The following ADAM32 variants were observed in gnomAD, a reference collection of about 807,000 sequenced individuals.
ADAM32 encodes the protein ADAM metallopeptidase domain 32.
Under a neutral mutation model 114.9 loss-of-function variants are expected in ADAM32, and 89 were observed. The ratio of observed to expected loss-of-function variants is 0.77; its 90% CI spans 0.65 to 0.92. The LOEUF (loss-of-function observed/expected upper bound fraction) is 0.92, where lower values mean the gene tolerates loss of function less well. Ranked by LOEUF, ADAM32 falls within the 40% of genes least tolerant of loss-of-function variation. The pLI is 0.00. For missense variants in ADAM32, 870 were observed against 932.8 expected (o/e 0.93, Z 0.88); for synonymous variants, 285 against 307.5 (o/e 0.93, Z 0.77).
chr8:39,281,142 AT>A lies in ADAM32; in HGVS notation c.2287del (p.Ser763GlnfsTer?), dbSNP rs1478778334. The A allele has an allele frequency of 6.0e-6, 8 of 1,342,820 alleles. No homozygotes were observed. Among genetic ancestry groups the A allele is most frequent in the Non-Finnish European group, 7.8e-6 (8 of 1,024,886 alleles). 83.2% of individuals were successfully genotyped at this position (1,342,820 alleles called of 1,614,324 possible). A position where few individuals can be genotyped will look rare whatever the true frequency, so the allele number is the denominator to read the frequency against. On this transcript the variant is annotated frameshift_variant, in exon 23 of 25. Transcript: ENST00000379907. LOFTEE classifies it high-confidence loss of function. Reference sequence around the variant, plus strand: ...GTTTTTAATTTATTTTTAGATCCAAATCAGAAGATAGTGCTGAAGCATATAC... The same window carrying A: ...GTTTTTAATTTATTTTTAGATCCAAACAGAAGATAGTGCTGAAGCATATAC... The part of the protein sequence containing the change: ...SSQADTSKSK[S>X]EDSAEAYTSR...
At chr8:39,157,842 T>C in intron 6 of ADAM32, 1 of 678,928 alleles carries the variant, frequency 1.5e-6, no homozygotes, top group East Asian at 3.2e-5. Context: ...ACTGATCAAT[T>C]TGCCATCCTT....
At chr8:39,133,875 T>TCTTCA (rs1802614562) in intron 2 of ADAM32, among the ~76,000 whole-genome samples, 1 of 152,186 alleles carries the variant, frequency 6.6e-6, no homozygotes, top group Non-Finnish European at 1.5e-5. Context: ...TCAGACTTAC[T>TCTTCA]GAAGGCCCAT....
intron 4 of ADAM32, among the ~76,000 whole-genome samples, chr8:39,149,438 T>A (rs1585403424): frequency 6.6e-6 from 1 of 152,302 alleles, no homozygotes; most frequent in East Asian, 1.9e-4. Context: ...GACTCTTTTT[T>A]AGCATCATAT....
intron 17 of ADAM32, among the ~76,000 whole-genome samples, chr8:39,248,521 C>A (rs1052873651): frequency 6.6e-6 from 1 of 152,102 alleles, no homozygotes; most frequent in Non-Finnish European, 1.5e-5. Context: ...AAATTATTGG[C>A]TTTTGTGCAT....
chr8:39,130,400 A>AT (rs970405071), intron 2 of ADAM32, among the ~76,000 whole-genome samples: 9 of 150,848 alleles, frequency 6.0e-5, no homozygotes, highest in South Asian at 2.1e-4. Flanking sequence ...TTATGGTTTA[A>AT]TTTTTTTTGT....
At chr8:39,205,425 C>A (rs376836300) in intron 11 of ADAM32, among the ~76,000 whole-genome samples, 3 of 152,228 alleles carry the variant, frequency 2.0e-5, no homozygotes, top group Non-Finnish European at 4.4e-5. Flanking sequence ...ACCCTCTGAG[C>A]CAGGCGTGGG....
At chr8:39,200,093 T>C (rs1301192353) in intron 11 of ADAM32, among the ~76,000 whole-genome samples, 2 of 152,232 alleles carry the variant, frequency 1.3e-5, no homozygotes, top group Non-Finnish European at 2.9e-5. Context: ...TGTGTGCATG[T>C]GTCTTTATAG....
At chr8:39,108,699 C>T (rs565667197) in intron 1 of ADAM32, among the ~76,000 whole-genome samples, 1 of 152,094 alleles carries the variant, frequency 6.6e-6, no homozygotes, top group African/African-American at 2.4e-5. Context: ...TGCATGTAAG[C>T]CTCCCTGGTG....
chr8:39,170,367 A>G (rs1197367701), intron 10 of ADAM32, among the ~76,000 whole-genome samples: 3 of 152,124 alleles, frequency 2.0e-5, no homozygotes, highest in Admixed American at 6.6e-5. Flanking sequence ...CAAAACAAAA[A>G]CCAGATTAAG....
intron 11 of ADAM32, among the ~76,000 whole-genome samples, chr8:39,210,772 A>G (rs1240715646): frequency 6.6e-6 from 1 of 152,190 alleles, no homozygotes; most frequent in Admixed American, 6.5e-5. Flanking sequence ...GACTAAGCAC[A>G]TTATCATTTG....
In ADAM32 at chr8:39,254,474, A is replaced by AT; in HGVS notation, c.1964dup (p.Arg656ThrfsTer10). ...AGGCTATAAGCCTCCAAACTGCCAA[A>AT]TACGTTCCAAAGGATTTTCCATATT... On this transcript the variant is annotated frameshift_variant, in exon 18 of 25. Transcript: ENST00000379907. LOFTEE classifies it high-confidence loss of function. The AT allele has an allele frequency of 6.3e-7, 1 of 1,599,710 alleles. No homozygotes were observed. The highest frequency in any genetic ancestry group is 8.5e-7 in the Non-Finnish European group (1 of 1,172,422).
chr8:39,239,561 T>C (rs539987310), intron 16 of ADAM32, among the ~76,000 whole-genome samples: 12 of 152,280 alleles, frequency 7.9e-5, no homozygotes, highest in African/African-American at 2.9e-4. Context: ...ATAAATAGAA[T>C]AGTACCTCAC....
intron 10 of ADAM32, among the ~76,000 whole-genome samples, chr8:39,175,062 A>G (rs1398171815): frequency 6.6e-6 from 1 of 152,218 alleles, no homozygotes; most frequent in East Asian, 1.9e-4. Context: ...GAAGTTGCAT[A>G]TTAGCTTAAG....
In ADAM32 at chr8:39,131,455, C is replaced by A. The variant is rs114122880; in HGVS notation, c.139-5202C>A. Among the ~76,000 whole-genome samples, 1,108 of 152,300 alleles carry A rather than the reference C, an allele frequency of 7.3e-3. 19 individuals are homozygous for A. Among genetic ancestry groups the A allele is most frequent in the African/African-American group, 0.026 (1,067 of 41,572 alleles). On this transcript the variant is annotated intron_variant, in intron 2 of 24. Coordinates refer to ENST00000379907, the MANE Select transcript of ADAM32 (RefSeq NM_145004.7). ...GCAGTGAGCTGAGATTGTGCCACAG[C>A]ACTCCAGTCTGGGTGACAGAATGAG...
At chr8:39,142,346 G>C (rs2129445229) in intron 3 of ADAM32, among the ~76,000 whole-genome samples, 1 of 152,336 alleles carries the variant, frequency 6.6e-6, no homozygotes, top group South Asian at 2.1e-4. Context: ...GGTACCGGCT[G>C]TTCCTTTCCA....
At chr8:39,270,312 G>T (rs1488493434) in intron 19 of ADAM32, among the ~76,000 whole-genome samples, 1 of 152,180 alleles carries the variant, frequency 6.6e-6, no homozygotes, top group African/African-American at 2.4e-5. Flanking sequence ...TCTTCTTGAT[G>T]CATTTTTCTC....
intron 3 of ADAM32, among the ~76,000 whole-genome samples, chr8:39,139,798 A>C (rs1057079110): frequency 3.3e-5 from 5 of 152,112 alleles, no homozygotes; most frequent in African/African-American, 7.2e-5. Flanking sequence ...GATTCTTCCT[A>C]TCTATGAGCA....
intron 12 of ADAM32, among the ~76,000 whole-genome samples, chr8:39,212,540 G>C (rs1226064842): frequency 1.3e-5 from 2 of 152,160 alleles, no homozygotes; most frequent in Non-Finnish European, 2.9e-5. Flanking sequence ...GCCTGGTCTA[G>C]AAAGTCATAT....
chr8:39,259,645 A>G lies in ADAM32; in HGVS notation c.2162+2302A>G, dbSNP rs987348616. ...TCATTTGACTTTCAAATTTCTCCCAAATAAGTCAGTGTTATTTTTGTTATT... is the reference window on the plus strand; with the variant it reads ...TCATTTGACTTTCAAATTTCTCCCAGATAAGTCAGTGTTATTTTTGTTATT... On this transcript the variant is annotated intron_variant, in intron 19 of 24. Transcript: ENST00000379907. Among the ~76,000 whole-genome samples the G allele has an allele frequency of 5.9e-5, 9 of 152,264 alleles. 1 individual carries two copies. The South Asian group carries it at 1.2e-3, about 21-fold the overall frequency.
Sources: gnomAD v4.1 joint callset for allele counts (sites outside exome capture counted in the v4.1 genomes callset) on GRCh38, gnomAD v4.1.1 for gene constraint, MANE v1.5 for transcripts, NCBI Gene and HGNC (gene_info 2026-07-23, HGNC 2026-07-21) for gene names.